PTGFRN: variants seen among roughly 807,000 people sequenced by gnomAD.
The protein encoded by PTGFRN is prostaglandin F2 receptor inhibitor.
Under a neutral mutation model 83.2 loss-of-function variants are expected in PTGFRN, and 35 were observed. The observed-to-expected ratio is 0.42, with a 90% CI of 0.32 to 0.56. The LOEUF (loss-of-function observed/expected upper bound fraction) is 0.56, where lower values mean the gene tolerates loss of function less well. Ranked by LOEUF, PTGFRN falls within the 20% of genes least tolerant of loss-of-function variation. The pLI is 0.11. For synonymous variants in PTGFRN, 519 were observed against 498.6 expected, an observed-to-expected ratio of 1.04 and a Z score of -0.55; for missense variants, 1,051 against 1,179.5, an observed-to-expected ratio of 0.89 and a Z score of 1.60.
At chr1:116,945,408 T>A (rs1359502658) in intron 3 of PTGFRN, among the ~76,000 whole-genome samples, 1 of 152,198 alleles carries the variant, frequency 6.6e-6, no homozygotes, top group Non-Finnish European at 1.5e-5. Flanking sequence ...CTGTGGTCCC[T>A]CAGCCAGATT....
intron 5 of PTGFRN, among the ~76,000 whole-genome samples, chr1:116,963,210 C>G (rs116441773): frequency 1.6e-4 from 24 of 152,190 alleles, no homozygotes; most frequent in African/African-American, 5.8e-4. Flanking sequence ...CAAGTGGGCT[C>G]TTGGCACTGC....
In PTGFRN at chr1:116,984,640, C is replaced by G; in HGVS notation, c.2168-40C>G. The G allele has an allele frequency of 1.9e-6, 3 of 1,591,566 alleles. No individual in the cohort carries two copies. The East Asian group carries it at 6.7e-5, about 36-fold the overall frequency. ...TGTGGCCATACATATGACTTCTGCC[C>G]ATTGCACTGACCCCAGGGTTTTGGC... On this transcript the variant is annotated intron_variant, in intron 7 of 8. Coordinates refer to ENST00000393203, the MANE Select transcript of PTGFRN (RefSeq NM_020440.4).
intron 1 of PTGFRN, among the ~76,000 whole-genome samples, chr1:116,935,332 C>T (rs973305065): frequency 6.6e-6 from 1 of 152,132 alleles, no homozygotes; most frequent in African/African-American, 2.4e-5. Flanking sequence ...TTAAAAATAG[C>T]AAATATCTGA....
intron 1 of PTGFRN, among the ~76,000 whole-genome samples, chr1:116,929,796 G>C (rs576482926): frequency 8.1e-4 from 124 of 152,316 alleles, no homozygotes; most frequent in Non-Finnish European, 1.4e-3. Context: ...CCAGTGCCTA[G>C]AAGGTGCTTT....
At chr1:116,934,872 G>GACA (rs1214012406) in intron 1 of PTGFRN, among the ~76,000 whole-genome samples, 1 of 152,182 alleles carries the variant, frequency 6.6e-6, no homozygotes, top group Non-Finnish European at 1.5e-5. Context: ...GAGATGCTTT[G>GACA]AGACTGTCTT....
In PTGFRN at chr1:116,982,498, G is replaced by A. The variant is rs561543456; in HGVS notation, c.2168-2182G>A. On this transcript the variant is annotated intron_variant, in intron 7 of 8. Transcript: ENST00000393203. ...GGGCCAAGGTCCTCTGTGCTGAGCA[G>A]GGGTGGGGACAGCAGACTTTGGCCC... is the stretch of plus-strand genomic sequence containing the variant. Among the ~76,000 whole-genome samples, 32 of 152,268 alleles carry A rather than the reference G, an allele frequency of 2.1e-4. No homozygotes were observed. In the South Asian group the frequency reaches 6.6e-3, roughly 32 times the overall value.
chr1:116,930,242 G>A (rs1649759536), intron 1 of PTGFRN, among the ~76,000 whole-genome samples: 1 of 152,128 alleles, frequency 6.6e-6, no homozygotes, highest in Non-Finnish European at 1.5e-5. Context: ...GCATCCCTTG[G>A]CTGCTAGGGC....
At chr1:116,936,704 A>G (rs1191911421) in intron 1 of PTGFRN, among the ~76,000 whole-genome samples, 4 of 152,238 alleles carry the variant, frequency 2.6e-5, no homozygotes, top group Non-Finnish European at 2.9e-5. Context: ...GGATAGAAGC[A>G]TCAGAGAGTG....
At chr1:116,915,623 T>C (rs1241010695) in intron 1 of PTGFRN, among the ~76,000 whole-genome samples, 1 of 152,208 alleles carries the variant, frequency 6.6e-6, no homozygotes, top group African/African-American at 2.4e-5. Flanking sequence ...TCGGCATTTA[T>C]GTGGCTGTTT....
Position 116,964,875 on chromosome 1 carries a change from C to G in PTGFRN, c.1640-2036C>G, listed in dbSNP as rs141138131. Among the ~76,000 whole-genome samples the G allele has an allele frequency of 2.6e-3, 403 of 152,378 alleles. 2 individuals are homozygous for G. Among genetic ancestry groups the G allele is most frequent in the Non-Finnish European group, 4.0e-3 (269 of 68,032 alleles). ...ACTTTTCACACTCTGCCATTTATGG[C>G]GCCACCCTTGCCTGGATTACATCCC... On this transcript the variant is annotated intron_variant, in intron 5 of 8. Transcript: ENST00000393203.
intron 4 of PTGFRN, among the ~76,000 whole-genome samples, chr1:116,954,864 T>G (rs1314172002): frequency 2.0e-5 from 3 of 152,244 alleles, no homozygotes; most frequent in African/African-American, 7.2e-5. Context: ...TTATGGAGAT[T>G]AATTGAAAAT....
At chr1:116,954,504 C>T (rs1300442310) in intron 4 of PTGFRN, among the ~76,000 whole-genome samples, 1 of 152,214 alleles carries the variant, frequency 6.6e-6, no homozygotes, top group East Asian at 1.9e-4. Flanking sequence ...CTAACTGGTG[C>T]ATGCAGCCAT....
At position 116,961,104 on chromosome 1, in the gene PTGFRN, C is replaced by A; in HGVS notation, c.1214-139C>A. On this transcript the variant is annotated intron_variant, in intron 4 of 8. Transcript: ENST00000393203. This position sits in a 1 kb window ranked among gnomAD's most constrained non-coding sequence, Gnocchi z 5.4. ...TCTAGGATCCTATCCAATGCAACGA[C>A]TGATTTCTGTCTCTCTAGTCCGGCA... 1 of 965,590 alleles carries A rather than the reference C, an allele frequency of 1.0e-6. No homozygotes were observed. The allele number at this position is 965,590 out of a possible 1,614,324, so 59.8% of individuals were successfully genotyped here.
chr1:116,931,950 A>G (rs1475717110), intron 1 of PTGFRN, among the ~76,000 whole-genome samples: 1 of 152,184 alleles, frequency 6.6e-6, no homozygotes, highest in Non-Finnish European at 1.5e-5. Context: ...CAGCATTTCA[A>G]CTCACCTGTA....
chr1:116,981,725 A>G (rs1651324236), intron 7 of PTGFRN, among the ~76,000 whole-genome samples: 1 of 152,234 alleles, frequency 6.6e-6, no homozygotes, highest in Non-Finnish European at 1.5e-5. Flanking sequence ...CAGCACTGCC[A>G]TTGTAGTGTG....
chr1:116,974,990 A>C (rs1287134545), intron 7 of PTGFRN, among the ~76,000 whole-genome samples: 3 of 152,216 alleles, frequency 2.0e-5, no homozygotes, highest in African/African-American at 4.8e-5. Context: ...GGAAGCTGTG[A>C]CAGACAGCAC....
chr1:116,944,627 C>G, intron 2 of PTGFRN, 52 bp from the exon 3 acceptor site: 1 of 1,348,956 alleles, frequency 7.4e-7, no homozygotes, highest in African/African-American at 1.5e-5. Context: ...CTGGCCCTTG[C>G]CGGCTGGGGT....
chr1:116,921,443 T>C (rs1184724796), intron 1 of PTGFRN, among the ~76,000 whole-genome samples: 1 of 152,262 alleles, frequency 6.6e-6, no homozygotes, highest in African/African-American at 2.4e-5. Context: ...CAGTCCATCA[T>C]CTTTGATTGA....
At chr1:116,972,376 C>T (rs887608909) in intron 6 of PTGFRN, among the ~76,000 whole-genome samples, 1 of 152,178 alleles carries the variant, frequency 6.6e-6, no homozygotes, top group African/African-American at 2.4e-5. Flanking sequence ...TGCCTAACCC[C>T]CACTAGGGTT....
Sources: gnomAD v4.1 joint callset for allele counts (sites outside exome capture counted in the v4.1 genomes callset) on GRCh38, gnomAD v4.1.1 for gene constraint, Gnocchi (gnomAD v3.1) non-coding constraint, MANE v1.5 for transcripts, NCBI Gene and HGNC (gene_info 2026-07-23, HGNC 2026-07-21) for gene names.